The following ANKS1B variants were observed in gnomAD, a reference collection of about 807,000 sequenced individuals.
ANKS1B encodes the protein ankyrin repeat and sterile alpha motif domain containing 1B, also known as ankyrin repeat and sterile alpha motif domain-containing protein 1B.
In ANKS1B, 36 loss-of-function variants were observed where a neutral mutation model predicts 148.3. The ratio of observed to expected loss-of-function variants is 0.24; its 90% CI spans 0.19 to 0.32. ANKS1B has a LOEUF of 0.32. Among genes scored for constraint, ANKS1B ranks in the 10% least tolerant of loss-of-function variants. ANKS1B has a pLI of 1.00. For synonymous variants in ANKS1B, 542 were observed against 560.8 expected (o/e 0.97, Z 0.47); for missense variants, 1,157 against 1,542.6 (o/e 0.75, Z 4.19).
chr12:98,879,970 ATTCT>A (rs2099702559), intron 17 of ANKS1B, among the ~76,000 whole-genome samples: 1 of 152,232 alleles, frequency 6.6e-6, no homozygotes, highest in Non-Finnish European at 1.5e-5. Flanking sequence ...GATTACTGAG[ATTCT>A]TTGTTTTTCC....
At chr12:99,804,630 C>T (rs573185982) in intron 4 of ANKS1B, among the ~76,000 whole-genome samples, 44 of 152,156 alleles carry the variant, frequency 2.9e-4, no homozygotes, top group African/African-American at 4.3e-4. Context: ...TCTGTGAGCA[C>T]GCATTCCACC....
intron 15 of ANKS1B, among the ~76,000 whole-genome samples, chr12:99,085,315 G>A (rs933639917): frequency 1.3e-4 from 19 of 151,148 alleles, no homozygotes; most frequent in African/African-American, 4.6e-4. Context: ...TGCACATTGT[G>A]CACATGTACC....
chr12:99,374,483 C>T lies in ANKS1B; in HGVS notation c.1756+25148G>A, dbSNP rs549517716. Among the ~76,000 whole-genome samples the T allele has an allele frequency of 2.8e-4, 42 of 152,256 alleles. 1 individual carries two copies. In the South Asian group the frequency reaches 8.7e-3, roughly 32 times the overall value. On this transcript the variant is annotated intron_variant, in intron 12 of 26. Transcript: ENST00000683438. Reference sequence around the variant, plus strand: ...GACAGCATCCTGTCCAGGGTGCATTCCCATCTTGTACCCTGAGCTGCAAAG... The same window carrying T: ...GACAGCATCCTGTCCAGGGTGCATTTCCATCTTGTACCCTGAGCTGCAAAG...
chr12:99,978,060 G>C (rs2095649829), intron 1 of ANKS1B, among the ~76,000 whole-genome samples: 1 of 152,062 alleles, frequency 6.6e-6, no homozygotes. Context: ...TCTATCATAG[G>C]CTTCTGATAG....
At chr12:98,772,554 G>T (rs1232464771) in intron 25 of ANKS1B, among the ~76,000 whole-genome samples, 1 of 152,206 alleles carries the variant, frequency 6.6e-6, no homozygotes, top group Admixed American at 6.5e-5. Flanking sequence ...GCAGGCAAGA[G>T]AGAGCTTGTG....
intron 8 of ANKS1B, among the ~76,000 whole-genome samples, chr12:99,668,390 A>G (rs1453786816): frequency 6.6e-6 from 1 of 151,340 alleles, no homozygotes; most frequent in African/African-American, 2.4e-5. Context: ...AATCATTCTC[A>G]CTTTGGGTTT....
chr12:99,931,268 C>G (rs368699095), intron 1 of ANKS1B, among the ~76,000 whole-genome samples: 1 of 152,078 alleles, frequency 6.6e-6, no homozygotes. Flanking sequence ...TTGCAGCACA[C>G]CAACGTGGCA....
At chr12:99,574,221 C>T (rs1056947694) in intron 9 of ANKS1B, among the ~76,000 whole-genome samples, 2 of 152,102 alleles carry the variant, frequency 1.3e-5, no homozygotes, top group African/African-American at 4.8e-5. Context: ...TTTGTTCCAC[C>T]TTATTCCTTT....
intron 12 of ANKS1B, among the ~76,000 whole-genome samples, chr12:99,366,359 C>T (rs2092767773): frequency 6.6e-6 from 1 of 152,142 alleles, no homozygotes; most frequent in South Asian, 2.1e-4. Context: ...TGGCTTCTTG[C>T]TTTTGCTAGC....
At chr12:99,315,130 C>A (rs943731106) in intron 12 of ANKS1B, among the ~76,000 whole-genome samples, 17 of 151,684 alleles carry the variant, frequency 1.1e-4, no homozygotes, top group African/African-American at 4.1e-4. Flanking sequence ...GTAGTCCCAG[C>A]TACTCAGGAG....
At chr12:99,981,028 G>A (rs1419331048) in intron 1 of ANKS1B, among the ~76,000 whole-genome samples, 2 of 151,960 alleles carry the variant, frequency 1.3e-5, no homozygotes, top group African/African-American at 4.8e-5. Context: ...CTTATTTGAC[G>A]ATTCTATGAT....
chr12:99,853,328 C>T (rs1021632497), intron 1 of ANKS1B, among the ~76,000 whole-genome samples: 5 of 152,088 alleles, frequency 3.3e-5, no homozygotes, highest in African/African-American at 7.2e-5. Flanking sequence ...CCATAGAGTC[C>T]GCTTTGCTCC....
At chr12:98,853,072 G>A (rs1408266229) in intron 17 of ANKS1B, among the ~76,000 whole-genome samples, 1 of 152,190 alleles carries the variant, frequency 6.6e-6, no homozygotes, top group African/African-American at 2.4e-5. Flanking sequence ...GATGACAGAA[G>A]CTGGATACTG....
chr12:99,372,251 C>A (rs1355684691), intron 12 of ANKS1B, among the ~76,000 whole-genome samples: 1 of 151,868 alleles, frequency 6.6e-6, no homozygotes, highest in Admixed American at 6.6e-5. Context: ...TGGGAAATCT[C>A]TGTACCTTCC....
intron 10 of ANKS1B, among the ~76,000 whole-genome samples, chr12:99,469,834 G>A (rs1012628293): frequency 4.6e-5 from 7 of 152,110 alleles, no homozygotes; most frequent in East Asian, 1.9e-4. Context: ...TCATAAAAAA[G>A]TTTGGCTGGC....
intron 17 of ANKS1B, among the ~76,000 whole-genome samples, chr12:98,907,015 G>C (rs1346932729): frequency 2.2e-5 from 3 of 138,968 alleles, no homozygotes; most frequent in South Asian, 2.3e-4. Context: ...CTGTGTGTGT[G>C]TGTGTGTGTG....
intron 17 of ANKS1B, among the ~76,000 whole-genome samples, chr12:98,905,992 A>C (rs1272891482): frequency 6.6e-6 from 1 of 152,196 alleles, no homozygotes; most frequent in Non-Finnish European, 1.5e-5. Flanking sequence ...GATAGAATGA[A>C]CCAGTGTTCC....
intron 9 of ANKS1B, among the ~76,000 whole-genome samples, chr12:99,567,962 G>A (rs1465693892): frequency 6.6e-6 from 1 of 152,118 alleles, no homozygotes; most frequent in Non-Finnish European, 1.5e-5. Flanking sequence ...CCACTGTGAG[G>A]TTTTCAGACT....
chr12:99,637,462 G>T (rs2098249548), intron 9 of ANKS1B, among the ~76,000 whole-genome samples: 1 of 152,088 alleles, frequency 6.6e-6, no homozygotes, highest in Non-Finnish European at 1.5e-5. Flanking sequence ...ATTGATCCTG[G>T]GTGTGTCTGT....
Sources: allele counts gnomAD v4.1 joint callset (sites outside exome capture counted in the v4.1 genomes callset), GRCh38; gene constraint gnomAD v4.1.1; transcripts MANE v1.5; gene names NCBI Gene and HGNC (gene_info 2026-07-23, HGNC 2026-07-21).